The following AP4E1 variants were observed in gnomAD, a reference collection of about 807,000 sequenced individuals.
AP4E1 encodes AP-4 complex subunit epsilon-1.
AP4E1 carries 56 observed loss-of-function variants against 128.2 expected under a neutral mutation model. The ratio of observed to expected loss-of-function variants is 0.44; its 90% CI spans 0.35 to 0.55. The LOEUF (loss-of-function observed/expected upper bound fraction) is 0.55, where lower values mean the gene tolerates loss of function less well. Among genes scored for constraint, AP4E1 ranks in the 20% least tolerant of loss-of-function variants. The pLI is 0.00. For missense variants in AP4E1, 1,324 were observed against 1,307.7 expected (o/e 1.01, Z -0.19); for synonymous variants, 484 against 473.1 (o/e 1.02, Z -0.30).
At chr15:50,977,710 T>TTTTTTTG (rs1555460351) in intron 15 of AP4E1, among the ~76,000 whole-genome samples, 3,781 of 130,284 alleles carry the variant, frequency 0.029, 98 homozygotes, top group Non-Finnish European at 0.038. Flanking sequence ...GTTATGGTTT[T>TTTTTTTG]TTTTTTTTTT....
At chr15:50,917,461 A>G (rs1349874524) in intron 3 of AP4E1, among the ~76,000 whole-genome samples, 2 of 152,004 alleles carry the variant, frequency 1.3e-5, no homozygotes, top group South Asian at 2.1e-4. Context: ...TTCCCTTTAC[A>G]TATTAGCTTA....
intron 15 of AP4E1, among the ~76,000 whole-genome samples, chr15:50,981,427 T>C (rs778707650): frequency 6.6e-6 from 1 of 152,020 alleles, no homozygotes. Flanking sequence ...TTATGCCTGC[T>C]CCACTATTGT....
At chr15:50,975,787 T>C (rs576349459) in intron 15 of AP4E1, among the ~76,000 whole-genome samples, 2 of 152,290 alleles carry the variant, frequency 1.3e-5, no homozygotes, top group South Asian at 4.1e-4. Context: ...TTGTGGTTCT[T>C]CATTGGTGAA....
At chr15:50,989,036 T>C (rs777371343) in intron 16 of AP4E1, among the ~76,000 whole-genome samples, 4 of 152,218 alleles carry the variant, frequency 2.6e-5, no homozygotes, top group Non-Finnish European at 5.9e-5. Context: ...TAGTAAGTGA[T>C]TGATAAATGG....
rs769024639 is a variant in AP4E1 at position 51,001,127 on chromosome 15, C to T, written c.3197C>T (p.Pro1066Leu). The change falls in exon 20 of 21, where the codon CCT (proline) becomes CTT (leucine). Residue 1066 changes from proline to leucine, a missense_variant. By Grantham distance (98) the Pro-to-Leu change is moderately conservative. Coordinates refer to ENST00000261842, the MANE Select transcript of AP4E1 (RefSeq NM_007347.5). ...VKMSESQAAL[P>L]SALKTLQQKL... ...ATGTCAGAATCTCAAGCTGCACTTC[C>T]TTCTGCACTAAAGACTCTGCAACAG... 1.9e-6 allele frequency: 3 copies of T among 1,613,660 alleles called. No homozygotes were observed. Among genetic ancestry groups the T allele is most frequent in the Middle Eastern group, 1.7e-4 (1 of 6,058 alleles).
At chr15:50,965,409 A>G (rs2064378928) in intron 14 of AP4E1, among the ~76,000 whole-genome samples, 1 of 152,242 alleles carries the variant, frequency 6.6e-6, no homozygotes, top group African/African-American at 2.4e-5. Context: ...GGGCCTCCAA[A>G]GATGGCATGT....
chr15:50,948,823 T>G (rs541324485), intron 11 of AP4E1, among the ~76,000 whole-genome samples: 3 of 151,810 alleles, frequency 2.0e-5, no homozygotes, highest in South Asian at 2.1e-4. Flanking sequence ...AAATACAAAA[T>G]TAGCCGGGCA....
At chr15:50,932,777 T>C (rs1596467276) in intron 7 of AP4E1, among the ~76,000 whole-genome samples, 1 of 152,324 alleles carries the variant, frequency 6.6e-6, no homozygotes, top group East Asian at 1.9e-4. Flanking sequence ...GTGTTACTTT[T>C]TTCTGTGTTT....
intron 3 of AP4E1, among the ~76,000 whole-genome samples, chr15:50,916,764 C>G (rs903847473): frequency 6.6e-6 from 1 of 152,206 alleles, no homozygotes; most frequent in Non-Finnish European, 1.5e-5. Flanking sequence ...TTCTCTTTCT[C>G]TCTTTCCATA....
rs1254462013 is a variant in AP4E1 at position 50,997,582 on chromosome 15, C to T, written c.2603C>T (p.Ser868Leu). Residue 868 changes from serine to leucine, a missense_variant, in exon 18 of 21, where the codon TCA becomes TTA. Transcript: ENST00000261842. ...GAACTGCCCTTGGTTGAGAAATTCT[C>T]ATATTGTAGTCTGTCTACACCTTCA... ...LTELPLVEKFSYCSLSTPSLF... is the reference protein window; with the variant it reads ...LTELPLVEKFLYCSLSTPSLF... 2 of 1,614,058 alleles carry T rather than the reference C, an allele frequency of 1.2e-6. No homozygotes were observed. Among genetic ancestry groups the T allele is most frequent in the South Asian group, 1.1e-5 (1 of 91,074 alleles).
chr15:50,987,266 C>T (rs1451007585), intron 16 of AP4E1, among the ~76,000 whole-genome samples: 4 of 152,036 alleles, frequency 2.6e-5, no homozygotes, highest in African/African-American at 4.8e-5. Context: ...CCTGGATTCA[C>T]TGATTTTTTG....
At chr15:50,947,909 A>G in intron 10 of AP4E1, 111 bp from the exon 11 acceptor site, 1 of 873,480 alleles carries the variant, frequency 1.1e-6, no homozygotes, top group South Asian at 1.7e-5. Context: ...TACCCAGTAG[A>G]TCTCCATAAA....
At chr15:50,979,410 C>A (rs1238106024) in intron 15 of AP4E1, among the ~76,000 whole-genome samples, 3 of 152,214 alleles carry the variant, frequency 2.0e-5, no homozygotes, top group Non-Finnish European at 4.4e-5. Context: ...CTCTTGCTCT[C>A]ATACTCTCTT....
At chr15:50,957,837 T>C (rs772790196) in intron 13 of AP4E1, among the ~76,000 whole-genome samples, 4 of 151,890 alleles carry the variant, frequency 2.6e-5, no homozygotes, top group African/African-American at 4.8e-5. Flanking sequence ...CCACCACACC[T>C]AGCTAATTTT....
At chr15:50,934,499 C>A (rs1429020608) in intron 7 of AP4E1, 125 bp from the exon 8 acceptor site, 4 of 667,360 alleles carry the variant, frequency 6.0e-6, no homozygotes, top group South Asian at 1.8e-5. Context: ...TCCATAACTT[C>A]ATCATAAAAT....
intron 10 of AP4E1, chr15:50,945,068 G>C: frequency 2.6e-6 from 2 of 781,560 alleles, no homozygotes; most frequent in Non-Finnish European, 4.7e-6. Context: ...TGAAACAATG[G>C]AAAATGGATG....
chr15:50,947,977 C>A, intron 10 of AP4E1, 43 bp from the exon 11 acceptor site: 4 of 1,439,196 alleles, frequency 2.8e-6, no homozygotes, highest in Non-Finnish European at 3.8e-6. Context: ...TGGTGTTATG[C>A]ATAGTTTTAT....
rs779506946 is a variant in AP4E1 at position 50,948,179 on chromosome 15, A to G, written c.1316+20A>G. 6 of 1,613,380 alleles carry G rather than the reference A, an allele frequency of 3.7e-6. No homozygotes were observed. Among genetic ancestry groups the G allele is most frequent in the South Asian group, 2.2e-5 (2 of 91,074 alleles). ...TGAGAAATATCCTTTTATTTCGACC[A>G]TGAGTCTTAAAATAGTTAGTTATGC... On this transcript the variant is annotated intron_variant, in intron 11 of 20. Coordinates refer to ENST00000261842, the MANE Select transcript of AP4E1 (RefSeq NM_007347.5).
At chr15:50,924,052 A>C (rs766146810) in intron 4 of AP4E1, 48 bp downstream of exon 4, 5 of 1,455,374 alleles carry the variant, frequency 3.4e-6, no homozygotes, top group Non-Finnish European at 4.8e-6. Flanking sequence ...TCTTGTCAGC[A>C]CCTGATATTT....
Sources: gnomAD v4.1 joint callset for allele counts (sites outside exome capture counted in the v4.1 genomes callset) on GRCh38, gnomAD v4.1.1 for gene constraint, MANE v1.5 for transcripts, NCBI Gene and HGNC (gene_info 2026-07-23, HGNC 2026-07-21) for gene names.